The following RSPO2 variants were observed in gnomAD, a reference collection of about 807,000 sequenced individuals.
RSPO2 encodes R-spondin 2, also known as R-spondin-2.
Under a neutral mutation model 30.9 loss-of-function variants are expected in RSPO2, and 14 were observed. That is an observed-to-expected ratio of 0.45 (90% confidence interval 0.30 to 0.71). The LOEUF is 0.71. Ranked by LOEUF, RSPO2 falls within the 30% of genes least tolerant of loss-of-function variation. The pLI is 0.08. For missense variants in RSPO2, 264 were observed against 301.9 expected, an observed-to-expected ratio of 0.87 and a Z score of 0.93; for synonymous variants, 107 against 96.4, an observed-to-expected ratio of 1.11 and a Z score of -0.64.
intron 2 of RSPO2, among the ~76,000 whole-genome samples, chr8:108,064,038 T>G (rs1050010888): frequency 2.0e-5 from 3 of 152,188 alleles, no homozygotes; most frequent in Non-Finnish European, 4.4e-5. Flanking sequence ...TCAAGATGGA[T>G]TAAAGACTTA....
In RSPO2 at chr8:107,996,231, C is replaced by A. The variant is rs546684341; in HGVS notation, c.95-6987G>T. Among the ~76,000 whole-genome samples the A allele has an allele frequency of 2.0e-5, 3 of 152,216 alleles. No homozygotes were observed. In the East Asian group the frequency reaches 5.8e-4, roughly 29 times the overall value. On this transcript the variant is annotated intron_variant, in intron 2 of 5. Transcript: ENST00000276659. Reference sequence around the variant, plus strand: ...AGCTAGAGAGAATCCAACTCTTGTTCATTTTCAGGGTTGTCCAAGATTGTA... The same window carrying A: ...AGCTAGAGAGAATCCAACTCTTGTTAATTTTCAGGGTTGTCCAAGATTGTA...
chr8:108,020,264 C>A (rs773995609), intron 2 of RSPO2, among the ~76,000 whole-genome samples: 1 of 152,124 alleles, frequency 6.6e-6, no homozygotes, highest in Non-Finnish European at 1.5e-5. Flanking sequence ...CTCTCTTCTG[C>A]ATTTTTATCA....
chr8:107,996,602 A>G (rs1203618558), intron 2 of RSPO2, among the ~76,000 whole-genome samples: 1 of 152,216 alleles, frequency 6.6e-6, no homozygotes, highest in Non-Finnish European at 1.5e-5. Flanking sequence ...TCCTACAGTC[A>G]TCACATGCTA....
chr8:108,077,622 C>G (rs897772776), intron 2 of RSPO2, among the ~76,000 whole-genome samples: 1 of 152,094 alleles, frequency 6.6e-6, no homozygotes, highest in Non-Finnish European at 1.5e-5. Context: ...TCATCGCTTT[C>G]CCTACACACA....
chr8:107,985,603 A>G (rs961429249), intron 3 of RSPO2, among the ~76,000 whole-genome samples: 1 of 152,192 alleles, frequency 6.6e-6, no homozygotes, highest in Non-Finnish European at 1.5e-5. Context: ...TTATCTTTTA[A>G]CTGTTGTTAT....
intron 2 of RSPO2, among the ~76,000 whole-genome samples, chr8:108,033,252 T>C (rs1408702203): frequency 6.6e-6 from 1 of 151,998 alleles, no homozygotes; most frequent in East Asian, 1.9e-4. Flanking sequence ...ACCACCACCT[T>C]CTTTCATCTC....
At chr8:107,983,323 C>T (rs1814515715) in intron 3 of RSPO2, 1 of 1,608,282 alleles carries the variant, frequency 6.2e-7, no homozygotes. Context: ...ACAGCTCCTC[C>T]TCATCCAAGA....
intron 5 of RSPO2, among the ~76,000 whole-genome samples, chr8:107,911,871 C>T (rs966285338): frequency 6.6e-6 from 1 of 152,060 alleles, no homozygotes; most frequent in Non-Finnish European, 1.5e-5. Context: ...GGCTGCTGAA[C>T]AAACAAATTA....
At chr8:108,063,842 TG>T (rs1563587025) in intron 2 of RSPO2, among the ~76,000 whole-genome samples, 1 of 152,012 alleles carries the variant, frequency 6.6e-6, no homozygotes, top group African/African-American at 2.4e-5. Flanking sequence ...TATAGACCAA[TG>T]GAACAGAACA....
chr8:107,989,999 TA>T (rs1310549626), intron 2 of RSPO2, among the ~76,000 whole-genome samples: 4 of 151,908 alleles, frequency 2.6e-5, no homozygotes, highest in African/African-American at 7.3e-5. Context: ...ACTTCACACC[TA>T]AAAAACCAGA....
At chr8:107,995,696 T>C (rs1216571435) in intron 2 of RSPO2, among the ~76,000 whole-genome samples, 1 of 152,140 alleles carries the variant, frequency 6.6e-6, no homozygotes, top group African/African-American at 2.4e-5. Flanking sequence ...GTTTTCTTCC[T>C]CCTCTAGCTT....
At chr8:108,079,016 G>C (rs550104146) in intron 2 of RSPO2, among the ~76,000 whole-genome samples, 2 of 152,124 alleles carry the variant, frequency 1.3e-5, no homozygotes, top group Non-Finnish European at 2.9e-5. Context: ...AGTCTGAAAT[G>C]TGGCTTACAA....
intron 2 of RSPO2, among the ~76,000 whole-genome samples, chr8:108,049,589 C>T (rs954461646): frequency 6.6e-6 from 1 of 151,502 alleles, no homozygotes; most frequent in African/African-American, 2.4e-5. Context: ...ATGTGATGTT[C>T]CCCCCTTCCT....
intron 2 of RSPO2, among the ~76,000 whole-genome samples, chr8:108,060,259 C>T (rs558553163): frequency 6.6e-6 from 1 of 151,640 alleles, no homozygotes; most frequent in Non-Finnish European, 1.5e-5. Flanking sequence ...AAGTTCGAAC[C>T]CATCACAAAG....
intron 5 of RSPO2, among the ~76,000 whole-genome samples, chr8:107,948,200 T>C (rs1028573719): frequency 6.6e-6 from 1 of 152,218 alleles, no homozygotes; most frequent in African/African-American, 2.4e-5. Context: ...ATAAACTCTC[T>C]TGTTTGTATC....
chr8:108,014,844 T>TAA (rs5893898), intron 2 of RSPO2, among the ~76,000 whole-genome samples: 11,196 of 106,348 alleles, frequency 0.11, 692 homozygotes, highest in African/African-American at 0.22. Context: ...TAAAGTATAA[T>TAA]AAAAAAAAAA....
At chr8:107,954,670 G>T (rs550211324) in intron 5 of RSPO2, among the ~76,000 whole-genome samples, 99 of 151,948 alleles carry the variant, frequency 6.5e-4, no homozygotes, top group African/African-American at 2.3e-3. Context: ...GAGTGCAGTG[G>T]CACGATCTTG....
intron 2 of RSPO2, among the ~76,000 whole-genome samples, chr8:108,048,337 C>T (rs1311232291): frequency 2.0e-5 from 3 of 151,418 alleles, no homozygotes; most frequent in Non-Finnish European, 4.4e-5. Context: ...CCTTTGCATC[C>T]CTCACTGAGT....
intron 2 of RSPO2, among the ~76,000 whole-genome samples, chr8:108,029,898 G>A (rs1586641609): frequency 6.6e-6 from 1 of 152,098 alleles, no homozygotes. Context: ...AAGTGCCAGG[G>A]ATCAAAGATA....
Sources: gnomAD v4.1 joint callset for allele counts (sites outside exome capture counted in the v4.1 genomes callset) on GRCh38, gnomAD v4.1.1 for gene constraint, MANE v1.5 for transcripts, NCBI Gene and HGNC (gene_info 2026-07-23, HGNC 2026-07-21) for gene names.